Variants in LSAMP observed in about 807,000 individuals in gnomAD.
The protein encoded by LSAMP is limbic system associated membrane protein, also known as limbic system-associated membrane protein.
In LSAMP, 7 loss-of-function variants were observed where a neutral mutation model predicts 38.6. That is an observed-to-expected ratio of 0.18 (90% confidence interval 0.10 to 0.34). LSAMP has a LOEUF of 0.34. Among genes scored for constraint, LSAMP ranks in the 10% least tolerant of loss-of-function variants. The pLI is 1.00. For synonymous variants in LSAMP, 154 were observed against 166.8 expected (o/e 0.92, Z 0.59); for missense variants, 313 against 420.0 (o/e 0.75, Z 2.23).
intron 1 of LSAMP, among the ~76,000 whole-genome samples, chr3:116,223,230 T>G (rs1191761237): frequency 6.6e-6 from 1 of 152,214 alleles, no homozygotes; most frequent in East Asian, 1.9e-4. Flanking sequence ...TATATGACAC[T>G]TTGAATAAGT....
chr3:116,034,216 A>C (rs1404880261), intron 2 of LSAMP, among the ~76,000 whole-genome samples: 1 of 152,282 alleles, frequency 6.6e-6, no homozygotes, highest in East Asian at 1.9e-4. Flanking sequence ...AGTGAGCCAC[A>C]GACTGCACAA....
At position 115,960,015 on chromosome 3, in the gene LSAMP, T is replaced by G. The variant is rs1938574507; in HGVS notation, c.514+59500A>C. On this transcript the variant is annotated intron_variant, in intron 3 of 6. Transcript: ENST00000490035. ...GTCTTGGGGTCTACGCCATGCTGAC[T>G]GGTGAACATCCCTTATACCAAACTG... is the stretch of plus-strand genomic sequence containing the variant. Among the ~76,000 whole-genome samples, 3 of 152,134 alleles carry G rather than the reference T, an allele frequency of 2.0e-5. No homozygotes were observed. The South Asian group carries it at 6.2e-4, about 32-fold the overall frequency.
chr3:115,942,389 A>C (rs918840957), intron 3 of LSAMP, among the ~76,000 whole-genome samples: 2 of 152,186 alleles, frequency 1.3e-5, no homozygotes, highest in Non-Finnish European at 2.9e-5. Context: ...CTACTTGTAA[A>C]GACTTTGTCA....
At chr3:116,332,362 T>C (rs767022622) in intron 1 of LSAMP, among the ~76,000 whole-genome samples, 111 of 152,200 alleles carry the variant, frequency 7.3e-4, no homozygotes, top group Middle Eastern at 3.4e-3. Flanking sequence ...GAGGTGGTGG[T>C]GAAGCTGTAA....
chr3:115,885,561 T>A (rs1391181182), intron 3 of LSAMP, among the ~76,000 whole-genome samples: 1 of 141,154 alleles, frequency 7.1e-6, no homozygotes, highest in Non-Finnish European at 1.5e-5. Flanking sequence ...GGGCAGCTGG[T>A]CAGAATCCAG....
At chr3:116,258,132 TAAAGG>T (rs1267423658) in intron 1 of LSAMP, among the ~76,000 whole-genome samples, 1 of 152,118 alleles carries the variant, frequency 6.6e-6, no homozygotes, top group Non-Finnish European at 1.5e-5. Context: ...CTCATTCTCA[TAAAGG>T]AAAGAAGAAT....
intron 6 of LSAMP, among the ~76,000 whole-genome samples, chr3:115,830,428 A>G (rs1934570995): frequency 6.6e-6 from 1 of 152,196 alleles, no homozygotes; most frequent in Non-Finnish European, 1.5e-5. Flanking sequence ...TTATTAATAT[A>G]CTATAGATTT....
chr3:115,852,309 A>G (rs913840481), intron 4 of LSAMP, among the ~76,000 whole-genome samples, 174 bp downstream of exon 4: 1 of 152,222 alleles, frequency 6.6e-6, no homozygotes, highest in South Asian at 2.1e-4. Context: ...TGATTTACCA[A>G]ATTCAAAGAC....
At chr3:116,293,062 C>T (rs2107696050) in intron 1 of LSAMP, among the ~76,000 whole-genome samples, 1 of 152,292 alleles carries the variant, frequency 6.6e-6, no homozygotes, top group East Asian at 1.9e-4. Context: ...AACACCTTCA[C>T]CCTATCATAT....
chr3:116,016,977 T>A (rs188006991), intron 3 of LSAMP, among the ~76,000 whole-genome samples: 4 of 152,272 alleles, frequency 2.6e-5, no homozygotes, highest in Admixed American at 2.6e-4. Flanking sequence ...TATTGAAGCC[T>A]CCGGGGTCCT....
intron 1 of LSAMP, among the ~76,000 whole-genome samples, chr3:116,157,655 G>GA (rs1559763458): frequency 6.6e-6 from 1 of 151,910 alleles, no homozygotes; most frequent in Non-Finnish European, 1.5e-5. Context: ...GATGAACCCA[G>GA]AAAAAATTAA....
At chr3:116,136,086 T>C (rs543394173) in intron 1 of LSAMP, among the ~76,000 whole-genome samples, 150 of 152,278 alleles carry the variant, frequency 9.9e-4, no homozygotes, top group African/African-American at 3.5e-3. Context: ...GGCTACAAGG[T>C]GGCAAGACCC....
At chr3:116,162,561 T>G (rs1341639002) in intron 1 of LSAMP, among the ~76,000 whole-genome samples, 2 of 152,078 alleles carry the variant, frequency 1.3e-5, no homozygotes, top group African/African-American at 2.4e-5. Context: ...CACAACTTTG[T>G]TTTTCTGTCT....
At chr3:115,908,760 G>A (rs547298604) in intron 3 of LSAMP, among the ~76,000 whole-genome samples, 14 of 152,250 alleles carry the variant, frequency 9.2e-5, no homozygotes, top group Admixed American at 6.5e-4. Flanking sequence ...CATGGAATTT[G>A]CAGGAAATAA....
At chr3:116,434,615 G>A (rs927953485) in intron 1 of LSAMP, among the ~76,000 whole-genome samples, 15 of 152,112 alleles carry the variant, frequency 9.9e-5, no homozygotes, top group African/African-American at 2.2e-4. Flanking sequence ...GTGCAGTGGC[G>A]CGATCTCGGC....
chr3:116,391,587 C>G (rs2902854), intron 1 of LSAMP, among the ~76,000 whole-genome samples: 49,725 of 151,572 alleles, frequency 0.33, 11,966 homozygotes, highest in African/African-American at 0.68. Context: ...AAGCAGGGCG[C>G]GGGGGTGGCA....
intron 2 of LSAMP, among the ~76,000 whole-genome samples, chr3:116,067,627 G>A (rs985517532): frequency 3.3e-5 from 5 of 152,272 alleles, no homozygotes; most frequent in East Asian, 1.9e-4. Context: ...CCATTTGGCC[G>A]GGCGGCATTC....
At chr3:116,397,926 T>C (rs1326393699) in intron 1 of LSAMP, among the ~76,000 whole-genome samples, 1 of 152,062 alleles carries the variant, frequency 6.6e-6, no homozygotes, top group Non-Finnish European at 1.5e-5. Flanking sequence ...TTTGTTTTGA[T>C]GCCTGCCTTC....
At chr3:115,914,939 A>T (rs1171840722) in intron 3 of LSAMP, among the ~76,000 whole-genome samples, 2 of 152,102 alleles carry the variant, frequency 1.3e-5, no homozygotes, top group African/African-American at 4.8e-5. Context: ...CCTGGGTTAG[A>T]CTCCAAAGGG....
Sources: allele counts gnomAD v4.1 joint callset (sites outside exome capture counted in the v4.1 genomes callset), GRCh38; gene constraint gnomAD v4.1.1; transcripts MANE v1.5; gene names NCBI Gene and HGNC (gene_info 2026-07-23, HGNC 2026-07-21).